Variants in LYPD6B observed in about 807,000 individuals in gnomAD.
LYPD6B encodes ly6/PLAUR domain-containing protein 6B.
LYPD6B carries 17 observed loss-of-function variants against 22.8 expected under a neutral mutation model. That is an observed-to-expected ratio of 0.75 (90% CI 0.51 to 1.12). LYPD6B has a LOEUF of 1.12. LYPD6B is among the 50% of genes most tolerant of loss of function. The probability of loss-of-function intolerance (pLI) is 0.00; values close to 1 mark genes in which losing one functional copy is unlikely to be tolerated. For synonymous variants in LYPD6B, 106 were observed against 91.6 expected, an observed-to-expected ratio of 1.16 and a Z score of -0.90; for missense variants, 221 against 258.3, an observed-to-expected ratio of 0.86 and a Z score of 0.99.
chr2:149,129,307 A>C (rs1687884875), intron 1 of LYPD6B, among the ~76,000 whole-genome samples: 1 of 152,232 alleles, frequency 6.6e-6, no homozygotes, highest in Non-Finnish European at 1.5e-5. Flanking sequence ...TTAGGGTATA[A>C]ATGATTTCGA....
chr2:149,064,433 A>G (rs115614897), intron 1 of LYPD6B, among the ~76,000 whole-genome samples: 1,988 of 152,350 alleles, frequency 0.013, 37 homozygotes, highest in African/African-American at 0.046. Flanking sequence ...GAGATCCCAT[A>G]CTTTTGACAA....
chr2:149,079,476 G>A (rs748977885), intron 1 of LYPD6B, among the ~76,000 whole-genome samples: 21 of 152,240 alleles, frequency 1.4e-4, no homozygotes, highest in East Asian at 5.8e-4. Context: ...GGACACTGTC[G>A]TGCAAGGTTT....
At chr2:149,065,186 C>A (rs1440215116) in intron 1 of LYPD6B, among the ~76,000 whole-genome samples, 1 of 152,128 alleles carries the variant, frequency 6.6e-6, no homozygotes, top group African/African-American at 2.4e-5. Context: ...TCATGGACTA[C>A]CTCCTATTCT....
intron 1 of LYPD6B, among the ~76,000 whole-genome samples, chr2:149,043,412 C>T (rs1683176740): frequency 1.3e-5 from 2 of 152,070 alleles, no homozygotes; most frequent in African/African-American, 4.8e-5. Context: ...TGTTTGGACC[C>T]ATTACTGCCT....
At chr2:149,213,778 A>G (rs1425877971) in intron 6 of LYPD6B, among the ~76,000 whole-genome samples, 2 of 152,188 alleles carry the variant, frequency 1.3e-5, no homozygotes, top group Non-Finnish European at 2.9e-5. Context: ...GCAGGCCGGC[A>G]GGCTCTCCAG....
intron 1 of LYPD6B, among the ~76,000 whole-genome samples, chr2:149,079,343 A>G (rs1685019704): frequency 6.6e-6 from 1 of 152,214 alleles, no homozygotes; most frequent in African/African-American, 2.4e-5. Flanking sequence ...GTTTAATGTA[A>G]TTTGGACTTC....
chr2:149,094,245 A>G (rs1239277964), intron 1 of LYPD6B, among the ~76,000 whole-genome samples: 5 of 152,260 alleles, frequency 3.3e-5, no homozygotes, highest in African/African-American at 7.2e-5. Flanking sequence ...GGATTCGACT[A>G]TCGGCATGCA....
rs148271038 is a variant in LYPD6B at position 149,117,381 on chromosome 2, G to A, written c.-66-13502G>A. Among the ~76,000 whole-genome samples, 1,465 of 151,084 alleles carry A rather than the reference G, an allele frequency of 9.7e-3. 11 individuals carry two copies. The highest frequency in any genetic ancestry group is 0.013 in the Non-Finnish European group (897 of 67,842). On this transcript the variant is annotated intron_variant, in intron 1 of 6. Coordinates refer to ENST00000409642, the MANE Select transcript of LYPD6B (RefSeq NM_177964.5). ...TGCCTCCCGGGTTCAAGTGATTCTC[G>A]TGCCTCAGCCCCCTGAGTAGCTGGG...
chr2:149,213,813 T>C (rs1462910453), intron 6 of LYPD6B, among the ~76,000 whole-genome samples: 1 of 152,134 alleles, frequency 6.6e-6, no homozygotes, highest in Non-Finnish European at 1.5e-5. Context: ...AACCTCAGGG[T>C]AAGGTCCTGG....
intron 4 of LYPD6B, among the ~76,000 whole-genome samples, chr2:149,207,709 A>G (rs1693589810): frequency 6.6e-6 from 1 of 152,108 alleles, no homozygotes; most frequent in African/African-American, 2.4e-5. Context: ...ATGAGATTAC[A>G]TGTTTGAGGT....
At chr2:149,172,436 G>A (rs369309463) in intron 3 of LYPD6B, among the ~76,000 whole-genome samples, 23 of 152,228 alleles carry the variant, frequency 1.5e-4, no homozygotes, top group African/African-American at 5.1e-4. Context: ...AAACCTACCC[G>A]ACCACATGCG....
chr2:149,086,792 G>A (rs1419417626), intron 1 of LYPD6B, among the ~76,000 whole-genome samples: 1 of 152,096 alleles, frequency 6.6e-6, no homozygotes, highest in Non-Finnish European at 1.5e-5. Context: ...GGGCTGTGAG[G>A]GAGGGATCTC....
intron 3 of LYPD6B, among the ~76,000 whole-genome samples, chr2:149,183,220 T>C (rs185828063): frequency 3.3e-5 from 5 of 152,314 alleles, no homozygotes; most frequent in African/African-American, 1.2e-4. Context: ...GGGTGAAATT[T>C]CTAAACCAGA....
chr2:149,161,047 A>G (rs1559042227), intron 3 of LYPD6B, among the ~76,000 whole-genome samples: 2 of 152,188 alleles, frequency 1.3e-5, no homozygotes, highest in South Asian at 2.1e-4. Context: ...CTGGTGAACC[A>G]AAAAGGGGAG....
intron 1 of LYPD6B, among the ~76,000 whole-genome samples, chr2:149,086,873 A>G (rs1685424149): frequency 6.6e-6 from 1 of 152,078 alleles, no homozygotes; most frequent in African/African-American, 2.4e-5. Context: ...TTCTCTCTGA[A>G]ACCATCTGTG....
At position 149,183,495 on chromosome 2, in the gene LYPD6B, T is replaced by C. The variant is rs368871396; in HGVS notation, c.78-21758T>C. ...CTATGTGGCCAATCTACAATGTGTA[T>C]AGATTTGTTTTCTGCAGATGTGCTT... On this transcript the variant is annotated intron_variant, in intron 3 of 6. Transcript: ENST00000409642. Among the ~76,000 whole-genome samples the C allele has an allele frequency of 2.6e-5, 4 of 152,278 alleles. No individual in the cohort carries two copies. The East Asian group carries it at 5.8e-4, about 22-fold the overall frequency.
chr2:149,068,052 G>A (rs1261829192), intron 1 of LYPD6B, among the ~76,000 whole-genome samples: 1 of 151,946 alleles, frequency 6.6e-6, no homozygotes, highest in African/African-American at 2.4e-5. Flanking sequence ...TTTGTTTTTC[G>A]GGCTTCTTTA....
intron 2 of LYPD6B, among the ~76,000 whole-genome samples, chr2:149,132,960 G>A (rs1027458659): frequency 1.3e-5 from 2 of 152,276 alleles, no homozygotes; most frequent in African/African-American, 4.8e-5. Flanking sequence ...ATCAGGAACT[G>A]TAGTACTTAT....
intron 1 of LYPD6B, among the ~76,000 whole-genome samples, chr2:149,110,526 C>G (rs1686706235): frequency 6.6e-6 from 1 of 152,124 alleles, no homozygotes; most frequent in Admixed American, 6.5e-5. Context: ...ATCATAGCAG[C>G]ATTTAGTCTA....
Sources: gnomAD v4.1 joint callset for allele counts (sites outside exome capture counted in the v4.1 genomes callset) on GRCh38, gnomAD v4.1.1 for gene constraint, MANE v1.5 for transcripts, NCBI Gene and HGNC (gene_info 2026-07-23, HGNC 2026-07-21) for gene names.